APPL1: variants seen among roughly 807,000 people sequenced by gnomAD.
The protein encoded by APPL1 is adaptor protein, phosphotyrosine interacting with PH domain and leucine zipper 1, also known as DCC-interacting protein 13-alpha.
Under a neutral mutation model 106.8 loss-of-function variants are expected in APPL1, and 42 were observed. That is an observed-to-expected ratio of 0.39 (90% CI 0.31 to 0.51). The LOEUF (loss-of-function observed/expected upper bound fraction) is 0.51. APPL1 is among the 20% of genes least tolerant of loss of function. The pLI, the probability that APPL1 is intolerant of heterozygous loss-of-function variation, is 0.75. For synonymous variants in APPL1, 263 were observed against 281.8 expected (o/e 0.93, Z 0.67); for missense variants, 769 against 858.2 (o/e 0.90, Z 1.30).
chr3:57,256,982 C>T lies in APPL1; in HGVS notation c.1178C>T (p.Ser393Leu), dbSNP rs2060840226. The change falls in exon 14 of 22, where the codon TCA becomes TTA. Residue 393 changes from serine (S) to leucine (L), a missense_variant. By Grantham distance (145) the Ser-to-Leu change is moderately radical (BLOSUM62 -2). Transcript: ENST00000288266. ...GAAACTGCTGCACGAGTAAATCAAT[C>T]AGCTCTGGAAGCTGTCACTCCTTCC... Reference protein sequence around the residue: ...PEETAARVNQSALEAVTPSPS... With the variant: ...PEETAARVNQLALEAVTPSPS... 1.2e-6 allele frequency: 2 copies of T among 1,614,040 alleles called. No homozygotes were observed. The highest frequency in any genetic ancestry group is 1.7e-6 in the Non-Finnish European group (2 of 1,179,978).
intron 6 of APPL1, 46 bp downstream of exon 6, chr3:57,242,188 G>GT: frequency 7.0e-7 from 1 of 1,427,482 alleles, no homozygotes; most frequent in Non-Finnish European, 9.8e-7. Flanking sequence ...TGATGTATTT[G>GT]TTTATCAGTG....
chr3:57,228,061 A>G lies in APPL1; in HGVS notation c.54+124A>G. On this transcript the variant is annotated intron_variant, in intron 1 of 21. Coordinates refer to ENST00000288266, the MANE Select transcript of APPL1 (RefSeq NM_012096.3). The surrounding 1 kb of genome is among the most constrained non-coding windows in gnomAD (Gnocchi z 4.6). ...GTGGGGGCCGCCGCCGCCCTAGGTC[A>G]CCGCCCGTCGCAGGCCGCGCCCGGA... 1.2e-6 allele frequency: 1 copy of G among 825,434 alleles called. No individual in the cohort carries two copies. 51.1% of individuals were successfully genotyped at this position (825,434 alleles called of 1,614,324 possible).
intron 19 of APPL1, among the ~76,000 whole-genome samples, chr3:57,262,852 ATTT>A (rs5849200): frequency 1.6e-5 from 2 of 127,372 alleles, no homozygotes; most frequent in African/African-American, 3.0e-5. Context: ...GTGTGTATGC[ATTT>A]TTTTTTTTTT....
chr3:57,260,102 A>T lies in APPL1; in HGVS notation c.1659-15A>T. 3 of 1,606,778 alleles carry T rather than the reference A, an allele frequency of 1.9e-6. No homozygotes were observed. Among genetic ancestry groups the T allele is most frequent in the Non-Finnish European group, 2.5e-6 (3 of 1,177,998 alleles). On this transcript the variant is annotated splice_polypyrimidine_tract_variant and intron_variant, in intron 17 of 21. Coordinates refer to ENST00000288266, the MANE Select transcript of APPL1 (RefSeq NM_012096.3). ...AATTAAAATTTGTTTTCCAATTTTT[A>T]AATTATTATTTTAGGTTAATTGATC...
chr3:57,253,970 C>G (rs943592146), intron 13 of APPL1, among the ~76,000 whole-genome samples: 4 of 150,386 alleles, frequency 2.7e-5, no homozygotes, highest in Non-Finnish European at 5.9e-5. Flanking sequence ...TCAAGCGATT[C>G]TCCTGCTTCA....
At chr3:57,237,051 A>G (rs574380317) in intron 2 of APPL1, among the ~76,000 whole-genome samples, 1 of 152,358 alleles carries the variant, frequency 6.6e-6, no homozygotes, top group Admixed American at 6.5e-5. Context: ...AAAAAACTAA[A>G]TTAAAGTTTT....
At chr3:57,231,271 G>A (rs1425930818) in intron 1 of APPL1, among the ~76,000 whole-genome samples, 1 of 150,060 alleles carries the variant, frequency 6.7e-6, no homozygotes, top group Admixed American at 6.6e-5. Flanking sequence ...CCCGGGAGGC[G>A]GGGGTTGCAG....
chr3:57,228,895 C>T lies in APPL1; in HGVS notation c.54+958C>T, dbSNP rs1446044008. 1.3e-5 allele frequency among the ~76,000 whole-genome samples: 2 copies of T among 152,148 alleles called. No homozygotes were observed. The highest frequency in any genetic ancestry group is 6.5e-5 in the Admixed American group (1 of 15,278). On this transcript the variant is annotated intron_variant, in intron 1 of 21. Transcript: ENST00000288266. The surrounding 1 kb of genome is among the most constrained non-coding windows in gnomAD (Gnocchi z 4.6). ...ATTTAGAAATGCAGTTGCACCATTT[C>T]GTGTGTCTTTACAGTTGAACATGGC... is the stretch of plus-strand genomic sequence containing the variant.
At chr3:57,263,203 C>G (rs189772321) in intron 19 of APPL1, among the ~76,000 whole-genome samples, 2 of 152,208 alleles carry the variant, frequency 1.3e-5, no homozygotes, top group South Asian at 4.1e-4. Context: ...TTATGCAATG[C>G]GTAATAACCA....
intron 13 of APPL1, among the ~76,000 whole-genome samples, chr3:57,254,979 T>C (rs1312175507): frequency 2.0e-5 from 3 of 152,248 alleles, no homozygotes; most frequent in African/African-American, 7.2e-5. Flanking sequence ...ACAAGTCACT[T>C]AGGGGTCTTG....
At chr3:57,266,583 T>A (rs2060895694) in intron 19 of APPL1, among the ~76,000 whole-genome samples, 1 of 152,188 alleles carries the variant, frequency 6.6e-6, no homozygotes, top group African/African-American at 2.4e-5. Context: ...TTCTTTTTCT[T>A]AGTCTGGCTA....
chr3:57,265,933 T>G (rs1308119969), intron 19 of APPL1, among the ~76,000 whole-genome samples: 1 of 152,242 alleles, frequency 6.6e-6, no homozygotes, highest in Non-Finnish European at 1.5e-5. Flanking sequence ...AAATGCATTT[T>G]CAGCAGTAAT....
intron 9 of APPL1, among the ~76,000 whole-genome samples, chr3:57,247,957 A>G (rs1473534766): frequency 1.3e-5 from 2 of 152,210 alleles, no homozygotes; most frequent in Non-Finnish European, 2.9e-5. Flanking sequence ...AAATTACGCC[A>G]AAATCAGGCA....
chr3:57,241,976 C>A, intron 5 of APPL1, 125 bp from the exon 6 acceptor site: 2 of 632,326 alleles, frequency 3.2e-6, no homozygotes, highest in Non-Finnish European at 5.2e-6. Flanking sequence ...AGCTTTTTCA[C>A]CCTGAATGTT....
chr3:57,227,861 G>A lies in APPL1; in HGVS notation c.-23G>A. The A allele has an allele frequency of 6.9e-7, 1 of 1,457,096 alleles. No homozygotes were observed. Among genetic ancestry groups the A allele is most frequent in the Non-Finnish European group, 9.1e-7 (1 of 1,102,244 alleles). 90.3% of individuals were successfully genotyped at this position (1,457,096 alleles called of 1,614,324 possible). The stretch of plus-strand genomic sequence containing the variant: ...GCTGTGGGCGGCAGCTGCGTCTCCT[G>A]CCACCGCCCTCCCTCCGCCACGATG... On this transcript the variant is annotated 5_prime_UTR_variant, in exon 1 of 22. Transcript: ENST00000288266.
intron 11 of APPL1, among the ~76,000 whole-genome samples, chr3:57,249,993 C>G (rs974008064): frequency 2.6e-5 from 4 of 152,052 alleles, no homozygotes; most frequent in Middle Eastern, 3.4e-3. Context: ...TAATCCCTAT[C>G]GTAAATTGTT....
chr3:57,230,486 G>C (rs1176360663), intron 1 of APPL1, among the ~76,000 whole-genome samples: 1 of 151,194 alleles, frequency 6.6e-6, no homozygotes, highest in African/African-American at 2.4e-5. Flanking sequence ...AGATTATATT[G>C]TGCATAATGA....
chr3:57,242,443 A>G (rs1450729670), intron 6 of APPL1, among the ~76,000 whole-genome samples: 2 of 152,010 alleles, frequency 1.3e-5, no homozygotes, highest in East Asian at 3.8e-4. Flanking sequence ...ATATATATAT[A>G]TATTTTAAGA....
At chr3:57,265,734 G>A (rs1485949403) in intron 19 of APPL1, among the ~76,000 whole-genome samples, 1 of 152,100 alleles carries the variant, frequency 6.6e-6, no homozygotes, top group African/African-American at 2.4e-5. Context: ...CAATTTGGAT[G>A]CCTTTTTTCC....
Sources: allele counts gnomAD v4.1 joint callset (sites outside exome capture counted in the v4.1 genomes callset), GRCh38; gene constraint gnomAD v4.1.1; non-coding constraint Gnocchi (gnomAD v3.1); transcripts MANE v1.5; gene names NCBI Gene and HGNC (gene_info 2026-07-23, HGNC 2026-07-21).